KCNH1: variants seen among roughly 807,000 people sequenced by gnomAD.
KCNH1 encodes the protein voltage-gated delayed rectifier potassium channel KCNH1.
In KCNH1, 27 loss-of-function variants were observed where a neutral mutation model predicts 69.2. That is an observed-to-expected ratio of 0.39 (90% CI 0.29 to 0.54). KCNH1 has a LOEUF of 0.54. Ranked by LOEUF, KCNH1 falls within the 20% of genes least tolerant of loss-of-function variation. KCNH1 has a pLI of 0.68. For synonymous variants in KCNH1, 456 were observed against 487.7 expected (o/e 0.93, Z 0.86); for missense variants, 798 against 1,261.6 (o/e 0.63, Z 5.57).
At chr1:210,752,846 A>G (rs1184958267) in intron 10 of KCNH1, among the ~76,000 whole-genome samples, 1 of 152,146 alleles carries the variant, frequency 6.6e-6, no homozygotes, top group East Asian at 1.9e-4. Flanking sequence ...AATTAATTTA[A>G]GGAGCTCAAG....
In KCNH1 at chr1:210,785,441, C is replaced by A. The variant is rs550381001; in HGVS notation, c.1916-9897G>T. 1.3e-4 allele frequency among the ~76,000 whole-genome samples: 20 copies of A among 150,634 alleles called. No homozygotes were observed. The East Asian group carries it at 2.5e-3, about 19-fold the overall frequency. On this transcript the variant is annotated intron_variant, in intron 9 of 10. Transcript: ENST00000271751. ...ATAGAGTCTAGCTCTGTCACCCAGG[C>A]TGGAGTGCAGTGGTGCAATCTTGGC...
intron 7 of KCNH1, among the ~76,000 whole-genome samples, chr1:210,872,875 T>A (rs1686283553): frequency 6.6e-6 from 1 of 152,140 alleles, no homozygotes; most frequent in Admixed American, 6.5e-5. Context: ...CCAAACCATA[T>A]CACGTGGTTT....
At chr1:210,765,246 G>T (rs535292720) in intron 10 of KCNH1, among the ~76,000 whole-genome samples, 1 of 152,166 alleles carries the variant, frequency 6.6e-6, no homozygotes, top group South Asian at 2.1e-4. Context: ...ACTGGGCAGG[G>T]GGTAATGGTG....
chr1:210,776,431 A>G (rs918945178), intron 9 of KCNH1, among the ~76,000 whole-genome samples: 1 of 152,192 alleles, frequency 6.6e-6, no homozygotes, highest in Admixed American at 6.5e-5. Flanking sequence ...CATAATTCAT[A>G]TATTAAAATC....
At chr1:210,888,300 G>C (rs1348417688) in intron 7 of KCNH1, among the ~76,000 whole-genome samples, 8 of 152,132 alleles carry the variant, frequency 5.3e-5, no homozygotes, top group African/African-American at 1.9e-4. Flanking sequence ...ACCTGCTCCT[G>C]AATGACTACC....
rs141401448 is a variant in KCNH1 at position 211,074,298 on chromosome 1, T to C, written c.558+8482A>G. ...TAATTTTTCCTTAATTTGGTATAAA[T>C]TTATATATATATAATACTATTAGTT... On this transcript the variant is annotated intron_variant, in intron 5 of 10. Coordinates refer to ENST00000271751, the MANE Select transcript of KCNH1 (RefSeq NM_172362.3). 3.7e-3 allele frequency among the ~76,000 whole-genome samples: 563 copies of C among 151,628 alleles called. 1 individual carries two copies. Among genetic ancestry groups the C allele is most frequent in the African/African-American group, 0.013 (527 of 41,446 alleles).
chr1:210,975,264 T>C (rs946726569), intron 6 of KCNH1, among the ~76,000 whole-genome samples: 3 of 152,070 alleles, frequency 2.0e-5, no homozygotes, highest in African/African-American at 7.3e-5. Flanking sequence ...TTTGTTGATC[T>C]TTTCAAAAAA....
intron 3 of KCNH1, 43 bp from the exon 4 acceptor site, chr1:211,090,733 A>G (rs1400350648): frequency 6.4e-7 from 1 of 1,564,634 alleles, no homozygotes; most frequent in Non-Finnish European, 8.6e-7. Context: ...TTGCATTCTC[A>G]TTTGAGGGGC....
intron 6 of KCNH1, among the ~76,000 whole-genome samples, chr1:210,973,476 C>T (rs1688549894): frequency 6.6e-6 from 1 of 152,216 alleles, no homozygotes; most frequent in East Asian, 1.9e-4. Context: ...TATAGCTATC[C>T]TTTCGTTTCT....
At chr1:210,717,860 C>A (rs2149023003) in intron 10 of KCNH1, among the ~76,000 whole-genome samples, 1 of 152,222 alleles carries the variant, frequency 6.6e-6, no homozygotes, top group Admixed American at 6.5e-5. Context: ...AATCCCAGCA[C>A]TTTGGGAGGT....
chr1:210,700,368 C>T (rs1386025993), intron 10 of KCNH1, among the ~76,000 whole-genome samples: 4 of 152,160 alleles, frequency 2.6e-5, no homozygotes, highest in Non-Finnish European at 5.9e-5. Flanking sequence ...CAGCTTCATG[C>T]TCTCATCTGG....
Position 211,048,160 on chromosome 1 carries a change from G to A in KCNH1, c.559-28904C>T, listed in dbSNP as rs138942198. On this transcript the variant is annotated intron_variant, in intron 5 of 10. Coordinates refer to ENST00000271751, the MANE Select transcript of KCNH1 (RefSeq NM_172362.3). ...CTACCTTACTCCTGCAAGAATGCCC[G>A]TAATTTAAAAATTAAAAAATAATAG... is the stretch of plus-strand genomic sequence containing the variant. Among the ~76,000 whole-genome samples, 34 of 152,136 alleles carry A rather than the reference G, an allele frequency of 2.2e-4. No homozygotes were observed. The East Asian group carries it at 6.0e-3, about 27-fold the overall frequency.
intron 1 of KCNH1, among the ~76,000 whole-genome samples, chr1:211,108,862 T>C (rs1691408172): frequency 6.6e-6 from 1 of 152,220 alleles, no homozygotes; most frequent in Non-Finnish European, 1.5e-5. Context: ...AAATTGTTCT[T>C]GAGTGCCAAC....
At chr1:211,079,511 C>T (rs575201617) in intron 5 of KCNH1, among the ~76,000 whole-genome samples, 1 of 151,962 alleles carries the variant, frequency 6.6e-6, no homozygotes, top group African/African-American at 2.4e-5. Flanking sequence ...AGAAACACAA[C>T]AAAAAAAGAG....
intron 6 of KCNH1, among the ~76,000 whole-genome samples, chr1:210,963,436 G>A (rs551145750): frequency 6.6e-6 from 1 of 152,222 alleles, no homozygotes; most frequent in South Asian, 2.1e-4. Context: ...TGGAGAATGA[G>A]TTTGACAAAT....
At chr1:210,807,308 T>G (rs73069563) in intron 7 of KCNH1, among the ~76,000 whole-genome samples, 20,284 of 152,034 alleles carry the variant, frequency 0.13, 1,353 homozygotes, top group Non-Finnish European at 0.15. Flanking sequence ...TATGTCATTT[T>G]AAGAATGTTA....
chr1:210,761,249 CAAAAAAAAA>C (rs58988658), intron 10 of KCNH1, among the ~76,000 whole-genome samples: 1,530 of 37,126 alleles, frequency 0.041, 55 homozygotes, highest in African/African-American at 0.16. Context: ...GAGACTCCGT[CAAAAAAAAA>C]AAAAAAAAAA....
At chr1:210,804,352 A>G (rs1260646098) in intron 7 of KCNH1, among the ~76,000 whole-genome samples, 186 bp from the exon 8 acceptor site, 1 of 152,180 alleles carries the variant, frequency 6.6e-6, no homozygotes, top group Non-Finnish European at 1.5e-5. Context: ...GATGCAAAGA[A>G]AGAGCCTCTT....
At chr1:210,969,993 C>T (rs1688482131) in intron 6 of KCNH1, among the ~76,000 whole-genome samples, 1 of 152,086 alleles carries the variant, frequency 6.6e-6, no homozygotes, top group Non-Finnish European at 1.5e-5. Flanking sequence ...ATATCCCAGG[C>T]TCAAGTGATC....
Sources: allele counts gnomAD v4.1 joint callset (sites outside exome capture counted in the v4.1 genomes callset), GRCh38; gene constraint gnomAD v4.1.1; transcripts MANE v1.5; gene names NCBI Gene and HGNC (gene_info 2026-07-23, HGNC 2026-07-21).